MYO5B: variants seen among roughly 807,000 people sequenced by gnomAD.
MYO5B encodes unconventional myosin-Vb.
MYO5B carries 143 observed loss-of-function variants against 229.3 expected under a neutral mutation model. The ratio of observed to expected loss-of-function variants is 0.62; its 90% CI spans 0.54 to 0.72. MYO5B has a LOEUF of 0.72. Ranked by LOEUF, MYO5B falls within the 30% of genes least tolerant of loss-of-function variation. The pLI is 0.00. For synonymous variants in MYO5B, 918 were observed against 885.2 expected, an observed-to-expected ratio of 1.04 and a Z score of -0.66; for missense variants, 2,321 against 2,331.0, an observed-to-expected ratio of 1.00 and a Z score of 0.09.
intron 14 of MYO5B, among the ~76,000 whole-genome samples, chr18:49,948,260 G>A (rs1226017681): frequency 3.7e-5 from 4 of 108,608 alleles, no homozygotes; most frequent in Admixed American, 2.1e-4. Context: ...ATCTATGGCT[G>A]TAAACATAAT....
chr18:50,162,089 C>T (rs1178676451), intron 1 of MYO5B, among the ~76,000 whole-genome samples: 2 of 152,262 alleles, frequency 1.3e-5, no homozygotes, highest in Non-Finnish European at 2.9e-5. Context: ...GGGAAGAGGT[C>T]TGTCTTGCAA....
intron 5 of MYO5B, among the ~76,000 whole-genome samples, chr18:49,993,654 G>A (rs147699185): frequency 2.0e-5 from 3 of 152,112 alleles, no homozygotes; most frequent in Non-Finnish European, 4.4e-5. Flanking sequence ...GTTCCAAACG[G>A]GTCAAACTGT....
At chr18:49,956,712 C>T (rs1460681152) in intron 12 of MYO5B, among the ~76,000 whole-genome samples, 5 of 152,254 alleles carry the variant, frequency 3.3e-5, no homozygotes, top group Admixed American at 6.5e-5. Flanking sequence ...CTCAAAGCAA[C>T]GCAGAGAGAC....
At chr18:50,194,595 TC>T (rs775363249) in intron 1 of MYO5B, among the ~76,000 whole-genome samples, 171 bp downstream of exon 1, 41 of 152,046 alleles carry the variant, frequency 2.7e-4, no homozygotes, top group Admixed American at 5.2e-4. Flanking sequence ...CCAAACTTTC[TC>T]CGCCAACCGA....
intron 4 of MYO5B, among the ~76,000 whole-genome samples, chr18:50,030,790 G>A (rs190932527): frequency 2.1e-5 from 3 of 141,752 alleles, no homozygotes; most frequent in Non-Finnish European, 4.5e-5. Context: ...TGGCAACACA[G>A]CAGAGACAGA....
At chr18:49,866,120 G>A (rs1255418239) in intron 27 of MYO5B, among the ~76,000 whole-genome samples, 1 of 152,222 alleles carries the variant, frequency 6.6e-6, no homozygotes, top group Admixed American at 6.5e-5. Flanking sequence ...CCAGGCTGGA[G>A]TGCATTGGCG....
intron 34 of MYO5B, among the ~76,000 whole-genome samples, chr18:49,842,830 C>G (rs975616223): frequency 2.6e-5 from 4 of 152,206 alleles, no homozygotes; most frequent in African/African-American, 2.4e-5. Context: ...AAGCAAGCAC[C>G]CGGCCCCTTG....
intron 10 of MYO5B, among the ~76,000 whole-genome samples, chr18:49,965,384 T>C (rs1474291572): frequency 6.6e-6 from 1 of 151,982 alleles, no homozygotes; most frequent in African/African-American, 2.4e-5. Context: ...CAGAAGCCTA[T>C]GAAGAAGAGA....
At chr18:49,963,965 A>G (rs553817525) in intron 10 of MYO5B, among the ~76,000 whole-genome samples, 11 of 152,182 alleles carry the variant, frequency 7.2e-5, no homozygotes, top group African/African-American at 2.2e-4. Flanking sequence ...TTACTTAATT[A>G]ACACAGGTGC....
At chr18:50,020,461 T>C (rs1176748959) in intron 4 of MYO5B, among the ~76,000 whole-genome samples, 1 of 152,238 alleles carries the variant, frequency 6.6e-6, no homozygotes, top group Admixed American at 6.5e-5. Flanking sequence ...ATCTGAGCTC[T>C]GGATCCTACC....
intron 5 of MYO5B, among the ~76,000 whole-genome samples, chr18:49,997,369 C>CTTTTTTTT (rs34011258): frequency 6.6e-5 from 4 of 60,352 alleles, no homozygotes; most frequent in African/African-American, 1.4e-4. Context: ...TCCTTTCTTT[C>CTTTTTTTT]TTTTTTTTTT....
intron 3 of MYO5B, 115 bp downstream of exon 3, chr18:50,040,028 A>C (rs1257875673): frequency 1.0e-5 from 12 of 1,175,932 alleles, no homozygotes; most frequent in Admixed American, 1.7e-5. Context: ...GTCTCAGTGG[A>C]GAGATACTTA....
chr18:50,048,401 A>G (rs1275907617), intron 2 of MYO5B, among the ~76,000 whole-genome samples: 1 of 152,210 alleles, frequency 6.6e-6, no homozygotes, highest in East Asian at 1.9e-4. Context: ...GCAAAGGTTT[A>G]TTTCTCATTT....
At chr18:50,038,107 G>A (rs1324145191) in intron 3 of MYO5B, among the ~76,000 whole-genome samples, 2 of 152,194 alleles carry the variant, frequency 1.3e-5, no homozygotes, top group Non-Finnish European at 2.9e-5. Context: ...GAGGCAGGTT[G>A]ATATTTGAGC....
chr18:49,896,184 G>T (rs1212668187), intron 21 of MYO5B, among the ~76,000 whole-genome samples: 1 of 152,148 alleles, frequency 6.6e-6, no homozygotes, highest in Admixed American at 6.5e-5. Flanking sequence ...AAATGCCACA[G>T]ATGCTGTGGG....
chr18:49,881,240 C>T (rs1217638), intron 22 of MYO5B, among the ~76,000 whole-genome samples: 91,427 of 151,980 alleles, frequency 0.6, 27,535 homozygotes, highest in Middle Eastern at 0.66. Context: ...GGCTCTCAAA[C>T]CTGGTCTTAG....
chr18:50,022,538 CCA>C (rs1214253200), intron 4 of MYO5B, among the ~76,000 whole-genome samples: 2 of 152,130 alleles, frequency 1.3e-5, no homozygotes, highest in Non-Finnish European at 2.9e-5. Flanking sequence ...GGGACAAATG[CCA>C]CAGAGTTCAA....
At position 50,012,509 on chromosome 18, in the gene MYO5B, G is replaced by A. The variant is rs191161289; in HGVS notation, c.456-11098C>T. ...TTTCCTCATTAACTGGACTTACATTGTTGACAGACATACAATTGAAATAAT... is the reference window on the plus strand; with the variant it reads ...TTTCCTCATTAACTGGACTTACATTATTGACAGACATACAATTGAAATAAT... On this transcript the variant is annotated intron_variant, in intron 4 of 39. Transcript: ENST00000285039. 1.9e-4 allele frequency among the ~76,000 whole-genome samples: 29 copies of A among 152,300 alleles called. No homozygotes were observed. In the East Asian group the frequency reaches 3.5e-3, roughly 18 times the overall value.
At chr18:50,042,698 C>T (rs942193938) in intron 2 of MYO5B, among the ~76,000 whole-genome samples, 4 of 152,136 alleles carry the variant, frequency 2.6e-5, no homozygotes, top group African/African-American at 9.7e-5. Flanking sequence ...AATCAGACCT[C>T]CCTCCCCACA....
Sources: gnomAD v4.1 joint callset for allele counts (sites outside exome capture counted in the v4.1 genomes callset) on GRCh38, gnomAD v4.1.1 for gene constraint, MANE v1.5 for transcripts, NCBI Gene and HGNC (gene_info 2026-07-23, HGNC 2026-07-21) for gene names.